ZNF831: variants seen among roughly 807,000 people sequenced by gnomAD.
The protein encoded by ZNF831 is chromosome 20 open reading frame 174.
Under a neutral mutation model 95.8 loss-of-function variants are expected in ZNF831, and 59 were observed. That is an observed-to-expected ratio of 0.62 (90% CI 0.50 to 0.77). The LOEUF (loss-of-function observed/expected upper bound fraction) is 0.77, where lower values mean the gene tolerates loss of function less well. ZNF831 is among the 30% of genes least tolerant of loss of function. The probability of loss-of-function intolerance (pLI) is 0.00; values close to 1 mark genes in which losing one functional copy is unlikely to be tolerated. For synonymous variants in ZNF831, 961 were observed against 925.5 expected (o/e 1.04, Z -0.70); for missense variants, 2,205 against 2,164.0 (o/e 1.02, Z -0.38).
At chr20:59,141,131 C>T (rs893995774) in intron 1 of ZNF831, among the ~76,000 whole-genome samples, 1 of 152,204 alleles carries the variant, frequency 6.6e-6, no homozygotes, top group South Asian at 2.1e-4. Context: ...AACTCCTGAC[C>T]TCAAATAATC....
At chr20:59,207,126 G>A (rs1202748321) in intron 4 of ZNF831, 70 bp downstream of exon 4, 1 of 1,562,454 alleles carries the variant, frequency 6.4e-7, no homozygotes, top group African/African-American at 1.4e-5. Context: ...TAGACACTGG[G>A]GATTTGGGAT....
intron 1 of ZNF831, among the ~76,000 whole-genome samples, chr20:59,129,495 C>T (rs943077280): frequency 5.9e-5 from 9 of 152,108 alleles, no homozygotes; most frequent in Non-Finnish European, 1.0e-4. Flanking sequence ...TGGTGGCGGG[C>T]GCCTGTAATC....
chr20:59,194,231 A>G lies in ZNF831; in HGVS notation c.3212A>G (p.Asp1071Gly), dbSNP rs2146595971. Reference sequence around the variant, plus strand: ...CACTTAGTTCAGGACATGGAGGGTGACAGCCACCGTATCCATCGCCTCTGC... The same window carrying G: ...CACTTAGTTCAGGACATGGAGGGTGGCAGCCACCGTATCCATCGCCTCTGC... ...EAHLVQDMEG[D>G]SHRIHRLCMG... The change falls in exon 2 of 6, where the codon GAC (aspartate) becomes GGC (glycine). Residue 1071 changes from aspartate to glycine, a missense_variant. By Grantham distance (94) the Asp-to-Gly change is moderately conservative. Coordinates refer to ENST00000371030, the MANE Select transcript of ZNF831 (RefSeq NM_178457.3). 6.2e-7 allele frequency: 1 copy of G among 1,613,774 alleles called. No homozygotes were observed. Among genetic ancestry groups the G allele is most frequent in the South Asian group, 1.1e-5 (1 of 91,074 alleles).
chr20:59,175,534 T>C (rs1203534375), intron 1 of ZNF831, among the ~76,000 whole-genome samples: 1 of 152,200 alleles, frequency 6.6e-6, no homozygotes, highest in Non-Finnish European at 1.5e-5. Flanking sequence ...CATTTTGCTG[T>C]TGAGGGCATC....
rs201079519 is a variant in ZNF831, at chr20:59,217,162, C to CTGTGTG, written c.4027+10134_4027+10139dup. ...GAGTACATCTGACAGATCTTCATCT[C>CTGTGTG]TGTGTGTGTGTGTGTGTGTGTGTGT... On this transcript the variant is annotated intron_variant, in intron 4 of 5. Transcript: ENST00000371030. This position sits in a 1 kb window ranked among gnomAD's most constrained non-coding sequence, Gnocchi z 4.4. 0.047 allele frequency among the ~76,000 whole-genome samples: 7,042 copies of CTGTGTG among 148,692 alleles called. 197 individuals carry two copies. Among genetic ancestry groups the CTGTGTG allele is most frequent in the Admixed American group, 0.07 (1,053 of 14,994 alleles).
intron 1 of ZNF831, among the ~76,000 whole-genome samples, chr20:59,172,166 A>G (rs750394174): frequency 6.6e-6 from 1 of 152,278 alleles, no homozygotes; most frequent in South Asian, 2.1e-4. Context: ...GACTTTTCCT[A>G]TGATTTCCTA....
intron 1 of ZNF831, among the ~76,000 whole-genome samples, chr20:59,127,369 C>T (rs1050765007): frequency 3.3e-5 from 5 of 152,162 alleles, no homozygotes; most frequent in Non-Finnish European, 7.3e-5. Flanking sequence ...CTGTGAAAAC[C>T]TCAGTCAGGT....
intron 1 of ZNF831, among the ~76,000 whole-genome samples, chr20:59,142,068 C>A (rs189921445): frequency 1.3e-5 from 2 of 152,144 alleles, no homozygotes; most frequent in Admixed American, 6.5e-5. Flanking sequence ...GGATGGCTTG[C>A]GGCTAATGTA....
rs1313673505 is a variant in ZNF831 at position 59,255,419 on chromosome 20, A to G, written c.*676A>G. 1 of 152,258 alleles carries G rather than the reference A, an allele frequency of 6.6e-6. No individual in the cohort carries two copies. The highest frequency in any genetic ancestry group is 1.9e-4 in the East Asian group (1 of 5,196). 9.4% of individuals were successfully genotyped at this position (152,258 alleles called of 1,614,324 possible). A position where few individuals can be genotyped will look rare whatever the true frequency, so the allele number is the denominator to read the frequency against. On this transcript the variant is annotated 3_prime_UTR_variant, in exon 6 of 6. Transcript: ENST00000371030. Reference sequence around the variant, plus strand: ...CTTTTAAATGTTGCACAAATGGTCAATGCTTATTTATGGTCAGATGATGCA... The same window carrying G: ...CTTTTAAATGTTGCACAAATGGTCAGTGCTTATTTATGGTCAGATGATGCA...
chr20:59,234,951 T>G (rs1986919705), intron 4 of ZNF831, among the ~76,000 whole-genome samples: 1 of 152,194 alleles, frequency 6.6e-6, no homozygotes, highest in African/African-American at 2.4e-5. Flanking sequence ...ATTCACCGTT[T>G]GTTGAGATTC....
At chr20:59,153,417 C>G (rs540322752) in intron 2 of ZNF831, among the ~76,000 whole-genome samples, 6 of 152,382 alleles carry the variant, frequency 3.9e-5, no homozygotes, top group African/African-American at 1.4e-4. Flanking sequence ...CTTCCTGGGA[C>G]AGCCTCCCCC....
chr20:59,214,143 A>G (rs1985527274), intron 4 of ZNF831, among the ~76,000 whole-genome samples: 1 of 152,370 alleles, frequency 6.6e-6, no homozygotes, highest in South Asian at 2.1e-4. Flanking sequence ...CCATCCATGC[A>G]GGCAGCTTTG....
In ZNF831 at chr20:59,258,975, G is replaced by A. The variant is rs539503328; in HGVS notation, c.*4232G>A. On this transcript the variant is annotated 3_prime_UTR_variant, in exon 6 of 6. Coordinates refer to ENST00000371030, the MANE Select transcript of ZNF831 (RefSeq NM_178457.3). Reference sequence around the variant, plus strand: ...GGATGACGGAATGTCTTGTATATGCGGTCAACTGTTCAGGATTTACTACTC... The same window carrying A: ...GGATGACGGAATGTCTTGTATATGCAGTCAACTGTTCAGGATTTACTACTC... The A allele has an allele frequency of 3.3e-4, 50 of 152,250 alleles. No homozygotes were observed. Among genetic ancestry groups the A allele is most frequent in the Middle Eastern group, 3.4e-3 (1 of 294 alleles). 9.4% of individuals were successfully genotyped at this position (152,250 alleles called of 1,614,324 possible).
Position 59,217,834 on chromosome 20 carries a change from C to T in ZNF831, c.4027+10778C>T, listed in dbSNP as rs1985798613. Among the ~76,000 whole-genome samples the T allele has an allele frequency of 1.3e-5, 2 of 152,108 alleles. No individual in the cohort carries two copies. Among genetic ancestry groups the T allele is most frequent in the Admixed American group, 6.6e-5 (1 of 15,264 alleles). On this transcript the variant is annotated intron_variant, in intron 4 of 5. Transcript: ENST00000371030. The surrounding 1 kb of genome is among the most constrained non-coding windows in gnomAD (Gnocchi z 4.4). ...AGTTTCTCTTGACCAGATGTTATGT[C>T]CACTGGGCACAATTTGATATTCTCA...
At chr20:59,151,779 C>T (rs1019729917) in intron 2 of ZNF831, among the ~76,000 whole-genome samples, 5 of 152,174 alleles carry the variant, frequency 3.3e-5, no homozygotes, top group African/African-American at 7.2e-5. Flanking sequence ...ATACTGGTGC[C>T]GGCTGAGCCC....
chr20:59,230,441 C>T (rs1240546953), intron 4 of ZNF831, among the ~76,000 whole-genome samples: 2 of 152,028 alleles, frequency 1.3e-5, no homozygotes, highest in African/African-American at 4.8e-5. Flanking sequence ...CAGTACACTC[C>T]AGCCTGGATG....
At chr20:59,195,603 C>T (rs1465513143) in intron 2 of ZNF831, among the ~76,000 whole-genome samples, 2 of 152,120 alleles carry the variant, frequency 1.3e-5, no homozygotes, top group African/African-American at 4.8e-5. Context: ...GGGCTGGTCA[C>T]CGTGTTTCTT....
In ZNF831 at chr20:59,236,964, G is replaced by C. The variant is rs369596519; in HGVS notation, c.4028-16014G>C. On this transcript the variant is annotated intron_variant, in intron 4 of 5. Coordinates refer to ENST00000371030, the MANE Select transcript of ZNF831 (RefSeq NM_178457.3). Reference sequence around the variant, plus strand: ...AAATGTTCCCGAACCTGCAATTACTGGAGTGTGGCCACCTCATCCGGAACT... The same window carrying C: ...AAATGTTCCCGAACCTGCAATTACTCGAGTGTGGCCACCTCATCCGGAACT... Among the ~76,000 whole-genome samples, 5 of 152,036 alleles carry C rather than the reference G, an allele frequency of 3.3e-5. No homozygotes were observed. The East Asian group carries it at 5.8e-4, about 18-fold the overall frequency.
chr20:59,191,901 C>T lies in ZNF831; in HGVS notation c.882C>T (p.Ser294=), dbSNP rs2146556054. ...CGTCACCTGGGCTCCCAGCGGCCAG[C>T]ACACAACCCTGGCGTAAGTTGCCAG... The part of the protein sequence containing the change: ...PMASPGLPAA[S]TQPWRKLPEQ... The change falls in exon 2 of 6, where the codon AGC becomes AGT. Residue 294 remains serine, a synonymous_variant. Coordinates refer to ENST00000371030, the MANE Select transcript of ZNF831 (RefSeq NM_178457.3). The T allele has an allele frequency of 6.2e-7, 1 of 1,612,758 alleles. No individual in the cohort carries two copies. The highest frequency in any genetic ancestry group is 8.5e-7 in the Non-Finnish European group (1 of 1,179,940).
Sources: gnomAD v4.1 joint callset for allele counts (sites outside exome capture counted in the v4.1 genomes callset) on GRCh38, gnomAD v4.1.1 for gene constraint, Gnocchi (gnomAD v3.1) non-coding constraint, MANE v1.5 for transcripts, NCBI Gene and HGNC (gene_info 2026-07-23, HGNC 2026-07-21) for gene names.